TDRD7: variants seen among roughly 807,000 people sequenced by gnomAD.
TDRD7 encodes tudor domain-containing protein 7.
In TDRD7, 47 loss-of-function variants were observed where a neutral mutation model predicts 109.8. That is an observed-to-expected ratio of 0.43 (90% CI 0.34 to 0.55). The LOEUF (loss-of-function observed/expected upper bound fraction) is 0.55. Ranked by LOEUF, TDRD7 falls within the 20% of genes least tolerant of loss-of-function variation. The pLI is 0.03. For missense variants in TDRD7, 1,164 were observed against 1,319.2 expected (o/e 0.88, Z 1.82); for synonymous variants, 424 against 457.3 (o/e 0.93, Z 0.93).
At position 97,470,639 on chromosome 9, in the gene TDRD7, T is replaced by C. The variant is rs750576967; in HGVS notation, c.1711T>C (p.Ser571Pro). The C allele has an allele frequency of 2.9e-5, 47 of 1,613,830 alleles. No homozygotes were observed. In the South Asian group the frequency reaches 5.1e-4, roughly 17 times the overall value. Residue 571 changes from serine to proline, a missense_variant, in exon 9 of 17, where the codon TCA becomes CCA. Physicochemically the swap from Ser to Pro is moderately conservative, Grantham distance 74. Around this residue, in one of 5 missense-constraint regions of TDRD7, gnomAD observed 261 missense variants for 336.2 expected, o/e 0.78. Transcript: ENST00000355295. ...YKLNPKFCSLSFQATKCKLAG... is the reference protein window; with the variant it reads ...YKLNPKFCSLPFQATKCKLAG... ...ATTAAACCCGAAGTTTTGTTCACTC[T>C]CATTTCAAGCTACAAAATGTAAGCT...
chr9:97,447,098 G>A (rs1231177721), intron 6 of TDRD7, among the ~76,000 whole-genome samples: 1 of 151,920 alleles, frequency 6.6e-6, no homozygotes, highest in Non-Finnish European at 1.5e-5. Context: ...ATTTAAATTC[G>A]GTGAACGTCT....
intron 8 of TDRD7, among the ~76,000 whole-genome samples, chr9:97,470,325 G>C (rs1438738611): frequency 1.3e-5 from 2 of 152,192 alleles, no homozygotes; most frequent in East Asian, 3.8e-4. Flanking sequence ...CCCATTGAAG[G>C]GGTAGGGTGA....
In TDRD7 at chr9:97,483,364, A is replaced by G; in HGVS notation, c.2915+13A>G. The G allele has an allele frequency of 6.2e-7, 1 of 1,612,668 alleles. No individual in the cohort carries two copies. Among genetic ancestry groups the G allele is most frequent in the Non-Finnish European group, 8.5e-7 (1 of 1,179,972 alleles). On this transcript the variant is annotated intron_variant, in intron 15 of 16. Transcript: ENST00000355295. ...AAGTGGAAAATAAGTAGGTCCTTGGACAAAGCATTTTATTCTACTCCTAAG... is the reference window on the plus strand; with the variant it reads ...AAGTGGAAAATAAGTAGGTCCTTGGGCAAAGCATTTTATTCTACTCCTAAG...
At position 97,464,980 on chromosome 9, in the gene TDRD7, C is replaced by T. The variant is rs776262656; in HGVS notation, c.1581C>T (p.Asp527=). The change falls in exon 8 of 17, where the codon GAC becomes GAT. Residue 527 remains aspartate, a synonymous_variant. Transcript: ENST00000355295. ...GQLLAVNAEE[D]AWLRAQVIST... Reference sequence around the variant, plus strand: ...TGCTGGCCGTAAATGCCGAGGAGGACGCCTGGTTACGGGCACAGGTCATCT... The same window carrying T: ...TGCTGGCCGTAAATGCCGAGGAGGATGCCTGGTTACGGGCACAGGTCATCT... The T allele has an allele frequency of 2.9e-5, 47 of 1,613,922 alleles. No individual in the cohort carries two copies. The highest frequency in any genetic ancestry group is 1.6e-4 in the Middle Eastern group (1 of 6,084).
At chr9:97,454,820 A>G (rs1828574513) in intron 6 of TDRD7, among the ~76,000 whole-genome samples, 2 of 152,192 alleles carry the variant, frequency 1.3e-5, no homozygotes, top group Admixed American at 6.5e-5. Flanking sequence ...AAGACAAGAA[A>G]TAACTAAGAT....
At chr9:97,420,475 TGATCTAATTTCTGTGTCTGTAGTTTC>T (rs1827881884) in intron 1 of TDRD7, among the ~76,000 whole-genome samples, 1 of 152,230 alleles carries the variant, frequency 6.6e-6, no homozygotes, top group Non-Finnish European at 1.5e-5. Context: ...TGGCAACCAC[TGATCTAATTTCTGTGTCTGTAGTTTC>T]GCCTTTTCCA....
chr9:97,477,987 G>A (rs559953124), intron 12 of TDRD7, among the ~76,000 whole-genome samples: 93 of 152,206 alleles, frequency 6.1e-4, no homozygotes, highest in African/African-American at 2.1e-3. Context: ...GGCTGGGCGC[G>A]GTGGCTCACA....
intron 11 of TDRD7, 151 bp downstream of exon 11, chr9:97,473,777 C>CTG: frequency 9.7e-7 from 1 of 1,026,946 alleles, no homozygotes; most frequent in Non-Finnish European, 1.4e-6. Context: ...GTAAAGAGCT[C>CTG]CAGACTTCAG....
chr9:97,480,601 T>C (rs1331646860), intron 13 of TDRD7: 2 of 523,528 alleles, frequency 3.8e-6, no homozygotes, highest in Non-Finnish European at 7.1e-6. Flanking sequence ...TATGGAGTGC[T>C]GGGGGTAAGC....
At chr9:97,490,287 G>A (rs1829280126) in intron 16 of TDRD7, among the ~76,000 whole-genome samples, 1 of 152,124 alleles carries the variant, frequency 6.6e-6, no homozygotes. Flanking sequence ...TTGTCTGAGA[G>A]TCTGTATTTC....
intron 1 of TDRD7, among the ~76,000 whole-genome samples, chr9:97,422,249 G>A (rs1191312860): frequency 6.6e-6 from 1 of 152,100 alleles, no homozygotes; most frequent in East Asian, 1.9e-4. Context: ...AAAAAAATTA[G>A]CCAGGCATGG....
intron 1 of TDRD7, among the ~76,000 whole-genome samples, chr9:97,423,383 G>A (rs1282552932): frequency 6.7e-6 from 1 of 149,362 alleles, no homozygotes; most frequent in Non-Finnish European, 1.5e-5. Flanking sequence ...ATCACATTAT[G>A]GTAATTTGTG....
In TDRD7 at chr9:97,428,724, T is replaced by G. The variant is rs182805063; in HGVS notation, c.207+52T>G. The G allele has an allele frequency of 3.1e-5, 48 of 1,533,172 alleles. No individual in the cohort carries two copies. The African/African-American group carries it at 6.0e-4, about 19-fold the overall frequency. The allele number at this position is 1,533,172 out of a possible 1,614,324, so 95.0% of individuals were successfully genotyped here. On this transcript the variant is annotated intron_variant, in intron 2 of 16. Transcript: ENST00000355295. ...AGAATCAAACCAATTCATAATTGCC[T>G]CTCTGGCACTTCCAATCTCCTACCT... is the stretch of plus-strand genomic sequence containing the variant.
chr9:97,495,385 T>C (rs1365632954), intron 16 of TDRD7, among the ~76,000 whole-genome samples: 1 of 152,226 alleles, frequency 6.6e-6, no homozygotes, highest in Non-Finnish European at 1.5e-5. Context: ...ATGGGGGTTG[T>C]ACAGTAGTCA....
At position 97,444,198 on chromosome 9, in the gene TDRD7, C is replaced by T. The variant is rs560722963; in HGVS notation, c.855+2323C>T. Among the ~76,000 whole-genome samples the T allele has an allele frequency of 5.3e-5, 8 of 152,076 alleles. No individual in the cohort carries two copies. The East Asian group carries it at 1.2e-3, about 22-fold the overall frequency. ...CATCTTTTATTGCGTTATTATATTC[C>T]GTCCAAGCAATGAGAGTCAGAAGCA... On this transcript the variant is annotated intron_variant, in intron 6 of 16. Coordinates refer to ENST00000355295, the MANE Select transcript of TDRD7 (RefSeq NM_014290.3).
intron 12 of TDRD7, among the ~76,000 whole-genome samples, chr9:97,478,104 C>A (rs1381896740): frequency 3.3e-5 from 5 of 151,656 alleles, no homozygotes; most frequent in Non-Finnish European, 5.9e-5. Flanking sequence ...CTAAAAAATA[C>A]AAAAAAATTA....
chr9:97,444,743 A>G (rs934013733), intron 6 of TDRD7, among the ~76,000 whole-genome samples: 2 of 152,184 alleles, frequency 1.3e-5, no homozygotes, highest in African/African-American at 4.8e-5. Flanking sequence ...AAAATATTCT[A>G]TATTAAAAGA....
At chr9:97,453,059 C>T (rs1269843099) in intron 6 of TDRD7, among the ~76,000 whole-genome samples, 1 of 152,074 alleles carries the variant, frequency 6.6e-6, no homozygotes, top group Non-Finnish European at 1.5e-5. Context: ...GCCGAAGAAC[C>T]CTCTTACCTT....
rs753990612 is a variant in TDRD7, at chr9:97,478,664, T to C, written c.2301+91T>C. 7 of 1,575,664 alleles carry C rather than the reference T, an allele frequency of 4.4e-6. No individual in the cohort carries two copies. The South Asian group carries it at 7.8e-5, about 18-fold the overall frequency. ...AGATGCCTTCTCAGTTTTGATCTCA[T>C]TAATTTTTAAGAAAATTGGAAATTG... On this transcript the variant is annotated intron_variant, in intron 13 of 16. Coordinates refer to ENST00000355295, the MANE Select transcript of TDRD7 (RefSeq NM_014290.3).
Sources: allele counts gnomAD v4.1 joint callset (sites outside exome capture counted in the v4.1 genomes callset), GRCh38; gene constraint gnomAD v4.1.1; regional missense constraint gnomAD v4.1.1; transcripts MANE v1.5; gene names NCBI Gene and HGNC (gene_info 2026-07-23, HGNC 2026-07-21).